TENM3: variants seen among roughly 807,000 people sequenced by gnomAD.
TENM3 encodes teneurin transmembrane protein 3.
In TENM3, 63 loss-of-function variants were observed where a neutral mutation model predicts 255.1. The observed-to-expected ratio is 0.25, with a 90% CI of 0.20 to 0.30. The LOEUF (loss-of-function observed/expected upper bound fraction) is 0.30, where lower values mean the gene tolerates loss of function less well. Ranked by LOEUF, TENM3 falls within the 10% of genes least tolerant of loss-of-function variation. The pLI is 1.00. For synonymous variants in TENM3, 1,306 were observed against 1,322.3 expected (o/e 0.99, Z 0.27); for missense variants, 2,929 against 3,461.1 (o/e 0.85, Z 3.86).
the TENM3 span, among the ~76,000 whole-genome samples, chr4:181,736,636 G>C: frequency 6.6e-6 from 1 of 151,812 alleles, no homozygotes; most frequent in East Asian, 1.9e-4. Flanking sequence ...AGCTTTATGT[G>C]AGCGTATACA....
At chr4:182,084,583 TTGAACCTTAC>T in the TENM3 span, among the ~76,000 whole-genome samples, 27 of 152,310 alleles carry the variant, frequency 1.8e-4, no homozygotes, top group East Asian at 4.8e-3. Flanking sequence ...TTTCTCTTTA[TTGAACCTTAC>T]TTGTTGACCT....
chr4:182,666,660 G>T (rs1193175276), intron 6 of TENM3, among the ~76,000 whole-genome samples: 1 of 152,164 alleles, frequency 6.6e-6, no homozygotes, highest in Non-Finnish European at 1.5e-5. Context: ...ACTTTGGGTG[G>T]CCGAGGCTGG....
chr4:182,051,146 C>G, the TENM3 span, among the ~76,000 whole-genome samples: 5 of 151,706 alleles, frequency 3.3e-5, no homozygotes, highest in African/African-American at 4.9e-5. Context: ...GAGTTCAACA[C>G]CAGCCTGACC....
the TENM3 span, among the ~76,000 whole-genome samples, chr4:182,044,264 CA>C: frequency 6.6e-6 from 1 of 152,042 alleles, no homozygotes; most frequent in African/African-American, 2.4e-5. Flanking sequence ...CACACACCAA[CA>C]AAAAGAAAGG....
At chr4:182,762,996 ACCC>A (rs71596672) in intron 22 of TENM3, among the ~76,000 whole-genome samples, 1 of 151,626 alleles carries the variant, frequency 6.6e-6, no homozygotes, top group Non-Finnish European at 1.5e-5. Context: ...TTCAAGAGAG[ACCC>A]CCCACAACTT....
At chr4:181,803,463 A>G in the TENM3 span, among the ~76,000 whole-genome samples, 39,746 of 152,146 alleles carry the variant, frequency 0.26, 5,438 homozygotes, top group South Asian at 0.36. Flanking sequence ...AATGATATTG[A>G]ACGCATTTTA....
the TENM3 span, among the ~76,000 whole-genome samples, chr4:181,950,298 C>T: frequency 6.6e-6 from 1 of 152,006 alleles, no homozygotes; most frequent in African/African-American, 2.4e-5. Flanking sequence ...AATGGCCCCA[C>T]CCTTATCTTC....
chr4:182,451,080 C>T (rs779832001), intron 3 of TENM3, among the ~76,000 whole-genome samples: 24 of 152,240 alleles, frequency 1.6e-4, no homozygotes, highest in Non-Finnish European at 2.8e-4. Flanking sequence ...CTTGCCTTCT[C>T]AGTAGTTTAT....
chr4:182,487,658 G>C (rs1734889653), intron 3 of TENM3, among the ~76,000 whole-genome samples: 1 of 152,052 alleles, frequency 6.6e-6, no homozygotes, highest in Non-Finnish European at 1.5e-5. Context: ...CGCTAAGCAT[G>C]CTGGCTAGAT....
chr4:182,052,839 C>T, the TENM3 span, among the ~76,000 whole-genome samples: 876 of 152,152 alleles, frequency 5.8e-3, 1 homozygote, highest in Non-Finnish European at 8.9e-3. Flanking sequence ...TATTTTTATA[C>T]GTGGGAATCA....
chr4:181,448,798 A>G, the TENM3 span, among the ~76,000 whole-genome samples: 1 of 152,156 alleles, frequency 6.6e-6, no homozygotes, highest in South Asian at 2.1e-4. Context: ...TAAAGACTGC[A>G]GCTTCACGTT....
chr4:181,874,792 C>A, the TENM3 span, among the ~76,000 whole-genome samples: 4 of 152,202 alleles, frequency 2.6e-5, no homozygotes, highest in African/African-American at 9.6e-5. Context: ...TCTCCGCCTC[C>A]TCTGTTTAAT....
intron 1 of TENM3, among the ~76,000 whole-genome samples, chr4:182,287,421 G>C (rs940429298): frequency 2.0e-5 from 3 of 152,076 alleles, no homozygotes; most frequent in Non-Finnish European, 4.4e-5. Context: ...CCTTCCGCTT[G>C]AAATGCCCTT....
At chr4:181,561,042 T>C in the TENM3 span, among the ~76,000 whole-genome samples, 1 of 152,160 alleles carries the variant, frequency 6.6e-6, no homozygotes, top group Admixed American at 6.5e-5. Flanking sequence ...AACCCTCGCC[T>C]CCTGGGTTCA....
intron 7 of TENM3, among the ~76,000 whole-genome samples, chr4:182,678,150 T>G (rs1437051222): frequency 6.6e-6 from 1 of 152,194 alleles, no homozygotes. Context: ...TTTTAACAAT[T>G]GTAATCTAAA....
the TENM3 span, among the ~76,000 whole-genome samples, chr4:181,690,369 G>A: frequency 1.3e-5 from 2 of 152,174 alleles, no homozygotes; most frequent in Non-Finnish European, 1.5e-5. Context: ...CTCTGTGATT[G>A]TGTGGTGTCA....
intron 1 of TENM3, among the ~76,000 whole-genome samples, chr4:182,166,475 C>G (rs1751730863): frequency 6.6e-6 from 1 of 152,134 alleles, no homozygotes; most frequent in African/African-American, 2.4e-5. Flanking sequence ...GCATCATCAA[C>G]TGGTGTAGAT....
intron 27 of TENM3, among the ~76,000 whole-genome samples, chr4:182,797,679 A>G (rs955768855): frequency 6.6e-6 from 1 of 152,200 alleles, no homozygotes; most frequent in African/African-American, 2.4e-5. Context: ...CCAGAAAGGA[A>G]TGCACAGCAA....
chr4:182,530,116 A>C (rs1039607911), intron 3 of TENM3, among the ~76,000 whole-genome samples: 1 of 152,324 alleles, frequency 6.6e-6, no homozygotes, highest in Non-Finnish European at 1.5e-5. Context: ...CTCATCCACA[A>C]CTTGTTCACA....
Sources: gnomAD v4.1 joint callset for allele counts (sites outside exome capture counted in the v4.1 genomes callset) on GRCh38, gnomAD v4.1.1 for gene constraint, MANE v1.5 for transcripts, NCBI Gene and HGNC (gene_info 2026-07-23, HGNC 2026-07-21) for gene names.